The following RIMS1 variants were observed in gnomAD, a reference collection of about 807,000 sequenced individuals.
RIMS1 encodes the protein regulating synaptic membrane exocytosis 1.
A neutral mutation model predicts 214.1 loss-of-function variants in RIMS1; 83 were observed. The observed-to-expected ratio is 0.39, with a 90% CI of 0.32 to 0.47. The LOEUF (loss-of-function observed/expected upper bound fraction) is 0.47. RIMS1 is among the 20% of genes least tolerant of loss of function. The probability of loss-of-function intolerance (pLI) is 0.99; values close to 1 mark genes in which losing one functional copy is unlikely to be tolerated. For synonymous variants in RIMS1, 793 were observed against 786.8 expected, an observed-to-expected ratio of 1.01 and a Z score of -0.13; for missense variants, 2,050 against 2,161.8, an observed-to-expected ratio of 0.95 and a Z score of 1.03.
At chr6:72,088,217 C>CTTTATTTA (rs3079733) in intron 2 of RIMS1, among the ~76,000 whole-genome samples, 5,316 of 142,778 alleles carry the variant, frequency 0.037, 132 homozygotes, top group African/African-American at 0.042. Flanking sequence ...TATTTATTTA[C>CTTTATTTA]TTTATTTATT....
intron 26 of RIMS1, among the ~76,000 whole-genome samples, chr6:72,292,417 CACTT>C (rs992724761): frequency 9.9e-5 from 15 of 152,128 alleles, no homozygotes; most frequent in East Asian, 3.9e-4. Flanking sequence ...AAAAATTAAA[CACTT>C]AATCATACTG....
intron 26 of RIMS1, among the ~76,000 whole-genome samples, chr6:72,292,981 G>A (rs2807534): frequency 6.6e-6 from 1 of 151,856 alleles, no homozygotes; most frequent in South Asian, 2.1e-4. Flanking sequence ...TTGAGGGTAC[G>A]GGGGTACATG....
intron 1 of RIMS1, among the ~76,000 whole-genome samples, chr6:71,915,150 C>G (rs1777977152): frequency 1.3e-5 from 2 of 152,004 alleles, no homozygotes; most frequent in African/African-American, 2.4e-5. Flanking sequence ...CAATGTTTTC[C>G]TATCTGTCTA....
intron 2 of RIMS1, among the ~76,000 whole-genome samples, chr6:72,084,744 A>G (rs574523914): frequency 3.9e-5 from 6 of 152,316 alleles, no homozygotes. Context: ...CTGAAGCAAT[A>G]GACTATAAAA....
chr6:72,164,681 C>A (rs2046010665), intron 4 of RIMS1, among the ~76,000 whole-genome samples: 1 of 152,162 alleles, frequency 6.6e-6, no homozygotes, highest in African/African-American at 2.4e-5. Context: ...GCTGCTATAA[C>A]AATATACCAT....
At position 72,266,195 on chromosome 6, in the gene RIMS1, C is replaced by T. The variant is rs1402115767; in HGVS notation, c.3398+146C>T. The T allele has an allele frequency of 1.1e-5, 8 of 696,486 alleles. No individual in the cohort carries two copies. In the East Asian group the frequency reaches 1.9e-4, roughly 16 times the overall value. The allele number at this position is 696,486 out of a possible 1,614,324, so 43.1% of individuals were successfully genotyped here. On this transcript the variant is annotated intron_variant, in intron 22 of 33. Coordinates refer to ENST00000521978, the MANE Select transcript of RIMS1 (RefSeq NM_014989.7). The stretch of plus-strand genomic sequence containing the variant: ...CTACATTTCCCCTTCCCTTATTATA[C>T]ATGTCTATTTAGAGATATGCGTATG...
At chr6:72,217,664 GTTCTT>G (rs1392637045) in intron 6 of RIMS1, among the ~76,000 whole-genome samples, 4 of 152,244 alleles carry the variant, frequency 2.6e-5, no homozygotes, top group Admixed American at 2.6e-4. Flanking sequence ...TATATAGATT[GTTCTT>G]TTCAAGTGTT....
chr6:71,936,608 A>G (rs906687280), intron 1 of RIMS1, among the ~76,000 whole-genome samples: 6 of 152,232 alleles, frequency 3.9e-5, no homozygotes, highest in African/African-American at 7.2e-5. Flanking sequence ...TCTATGGAAC[A>G]TGCCCTAGAT....
intron 2 of RIMS1, among the ~76,000 whole-genome samples, chr6:71,990,750 C>T (rs1194322542): frequency 6.6e-6 from 1 of 151,742 alleles, no homozygotes; most frequent in Non-Finnish European, 1.5e-5. Flanking sequence ...TCAGAAGGAA[C>T]GTGTCCCTGG....
At chr6:72,304,683 A>C (rs1487015984) in intron 26 of RIMS1, among the ~76,000 whole-genome samples, 2 of 152,004 alleles carry the variant, frequency 1.3e-5, no homozygotes, top group Non-Finnish European at 2.9e-5. Context: ...ATTATGAAAA[A>C]ACTTTTACTG....
At chr6:72,133,684 G>A (rs985046181) in intron 4 of RIMS1, among the ~76,000 whole-genome samples, 1 of 152,056 alleles carries the variant, frequency 6.6e-6, no homozygotes, top group Admixed American at 6.6e-5. Flanking sequence ...ATGACACCAA[G>A]TTTTCTGCAA....
chr6:72,327,616 C>G (rs1373964631), intron 28 of RIMS1, among the ~76,000 whole-genome samples: 1 of 151,802 alleles, frequency 6.6e-6, no homozygotes, highest in Non-Finnish European at 1.5e-5. Context: ...AGCTGCATCA[C>G]TTTACATCCC....
At chr6:71,983,549 C>T (rs1799053390) in intron 2 of RIMS1, among the ~76,000 whole-genome samples, 2 of 151,928 alleles carry the variant, frequency 1.3e-5, no homozygotes, top group Non-Finnish European at 2.9e-5. Context: ...ATTGTACAGC[C>T]AGCCTAAGTA....
chr6:71,894,917 C>T (rs1284946107), intron 1 of RIMS1, among the ~76,000 whole-genome samples: 1 of 152,038 alleles, frequency 6.6e-6, no homozygotes, highest in Non-Finnish European at 1.5e-5. Flanking sequence ...GAAAATAATA[C>T]CATGCTAATG....
intron 29 of RIMS1, among the ~76,000 whole-genome samples, chr6:72,389,427 G>A (rs546640434): frequency 1.8e-4 from 27 of 152,066 alleles, no homozygotes; most frequent in Non-Finnish European, 3.1e-4. Context: ...TGTGTAGGAA[G>A]GATCAGCATT....
chr6:71,987,421 ACT>A (rs1240745644), intron 2 of RIMS1, among the ~76,000 whole-genome samples: 3 of 152,096 alleles, frequency 2.0e-5, no homozygotes, highest in Non-Finnish European at 4.4e-5. Context: ...GAAGAAGCAA[ACT>A]CTCTTGTGTC....
chr6:71,974,748 G>T (rs1365785273), intron 2 of RIMS1, among the ~76,000 whole-genome samples: 10 of 152,116 alleles, frequency 6.6e-5, no homozygotes, highest in Admixed American at 6.6e-4. Context: ...ACTAAGGCAG[G>T]TTTACACACA....
chr6:72,055,693 CA>C (rs1008556129), intron 2 of RIMS1, among the ~76,000 whole-genome samples: 7 of 151,792 alleles, frequency 4.6e-5, no homozygotes, highest in Non-Finnish European at 1.0e-4. Flanking sequence ...TTAGAGAAAT[CA>C]AAATCAAAAT....
intron 2 of RIMS1, among the ~76,000 whole-genome samples, chr6:72,071,769 T>A (rs1449801376): frequency 6.6e-6 from 1 of 152,212 alleles, no homozygotes; most frequent in East Asian, 1.9e-4. Flanking sequence ...TGAGATGTCC[T>A]ACTTTCATAA....
Sources: gnomAD v4.1 joint callset for allele counts (sites outside exome capture counted in the v4.1 genomes callset) on GRCh38, gnomAD v4.1.1 for gene constraint, MANE v1.5 for transcripts, NCBI Gene and HGNC (gene_info 2026-07-23, HGNC 2026-07-21) for gene names.